ANO3: variants seen among roughly 807,000 people sequenced by gnomAD.
ANO3 encodes the protein anoctamin-3.
ANO3 carries 99 observed loss-of-function variants against 144.8 expected under a neutral mutation model. The ratio of observed to expected loss-of-function variants is 0.68; its 90% CI spans 0.58 to 0.81. The LOEUF is 0.81. ANO3 is among the 30% of genes least tolerant of loss of function. ANO3 has a pLI of 0.00. For missense variants in ANO3, 905 were observed against 1,202.2 expected, an observed-to-expected ratio of 0.75 and a Z score of 3.66; for synonymous variants, 414 against 392.6, an observed-to-expected ratio of 1.05 and a Z score of -0.64.
intron 6 of ANO3, among the ~76,000 whole-genome samples, chr11:26,524,503 C>T (rs1224229777): frequency 6.6e-6 from 1 of 152,142 alleles, no homozygotes; most frequent in Non-Finnish European, 1.5e-5. Context: ...GTCCTATTAA[C>T]CCTGCTTTCT....
intron 1 of ANO3, among the ~76,000 whole-genome samples, chr11:26,204,375 A>G (rs776369226): frequency 6.6e-6 from 1 of 152,074 alleles, no homozygotes; most frequent in East Asian, 1.9e-4. Context: ...GCAAGGAGCT[A>G]AGTAGCTACT....
intron 3 of ANO3, among the ~76,000 whole-genome samples, chr11:26,461,929 G>T (rs550844515): frequency 6.6e-6 from 1 of 152,022 alleles, no homozygotes; most frequent in Non-Finnish European, 1.5e-5. Flanking sequence ...ATGGTTAATA[G>T]GTCTAAGTGT....
Position 26,222,059 on chromosome 11 carries a change from T to G in ANO3, c.154+32729T>G, listed in dbSNP as rs535681486. On this transcript the variant is annotated intron_variant, in intron 1 of 27. Coordinates refer to the ANO3 transcript ENST00000672621. ...TAGTCCCCCCAAAGTCTTAACTTGT[T>G]TCAGTATCAAGTCTAAAGTCCTAAG... 8.5e-5 allele frequency among the ~76,000 whole-genome samples: 13 copies of G among 152,332 alleles called. No homozygotes were observed. In the South Asian group the frequency reaches 2.7e-3, roughly 32 times the overall value.
chr11:26,537,741 T>C (rs901466735), intron 10 of ANO3, among the ~76,000 whole-genome samples: 4 of 152,230 alleles, frequency 2.6e-5, no homozygotes, highest in African/African-American at 9.6e-5. Context: ...AGCTCCAAGC[T>C]TGATCCAACT....
intron 23 of ANO3, 117 bp from the exon 24 acceptor site, chr11:26,647,592 A>T (rs1040084045): frequency 1.1e-6 from 1 of 882,088 alleles, no homozygotes; most frequent in African/African-American, 1.7e-5. Context: ...AAGAAAGCAC[A>T]TAGTGGACAG....
chr11:26,404,549 G>A (rs561173091), intron 1 of ANO3, among the ~76,000 whole-genome samples: 1 of 151,718 alleles, frequency 6.6e-6, no homozygotes. Flanking sequence ...CAACGTTCCC[G>A]AAATATTGTT....
chr11:26,239,281 T>C (rs1163663110), intron 1 of ANO3, among the ~76,000 whole-genome samples: 1 of 152,204 alleles, frequency 6.6e-6, no homozygotes, highest in Non-Finnish European at 1.5e-5. Flanking sequence ...CAGCAAGCTG[T>C]TGACCTCCCT....
At chr11:26,452,990 G>C (rs1230036737) in intron 3 of ANO3, among the ~76,000 whole-genome samples, 5 of 152,140 alleles carry the variant, frequency 3.3e-5, no homozygotes, top group African/African-American at 1.2e-4. Context: ...AGCTTCATAA[G>C]TGAAGGAGAA....
intron 1 of ANO3, among the ~76,000 whole-genome samples, chr11:26,369,196 G>C (rs1315468363): frequency 6.6e-6 from 1 of 152,116 alleles, no homozygotes; most frequent in Non-Finnish European, 1.5e-5. Flanking sequence ...GAGGTGAGTA[G>C]TGAGACTAAA....
At chr11:26,564,690 T>C (rs1406585020) in intron 14 of ANO3, among the ~76,000 whole-genome samples, 1 of 18,676 alleles carries the variant, frequency 5.4e-5, no homozygotes, top group East Asian at 1.1e-3. Context: ...TACTCATATA[T>C]ATACACACAC....
intron 17 of ANO3, among the ~76,000 whole-genome samples, chr11:26,616,493 T>C (rs1199958736): frequency 6.7e-6 from 1 of 150,032 alleles, no homozygotes; most frequent in African/African-American, 2.5e-5. Flanking sequence ...TTCAAAAACA[T>C]CTTGAAAAGA....
upstream of ANO3, among the ~76,000 whole-genome samples, chr11:26,328,287 T>C (rs577750487): frequency 1.6e-4 from 25 of 152,342 alleles, no homozygotes; most frequent in South Asian, 1.7e-3. Flanking sequence ...TTGTTAAATT[T>C]CACTCCATTT....
At chr11:26,642,073 A>G (rs758238122) in intron 22 of ANO3, 44 bp downstream of exon 22, 1 of 1,584,858 alleles carries the variant, frequency 6.3e-7, no homozygotes, top group Non-Finnish European at 8.6e-7. Context: ...TTCTTGATAC[A>G]ATTTTTCTAC....
chr11:26,221,130 A>T (rs1357270403), intron 1 of ANO3, among the ~76,000 whole-genome samples: 1 of 152,154 alleles, frequency 6.6e-6, no homozygotes, highest in Non-Finnish European at 1.5e-5. Flanking sequence ...CCATATGAAC[A>T]CCTCTCCTTT....
At chr11:26,314,575 G>T (rs1252756198) in intron 1 of ANO3, among the ~76,000 whole-genome samples, 1 of 152,102 alleles carries the variant, frequency 6.6e-6, no homozygotes, top group Non-Finnish European at 1.5e-5. Context: ...AGGCAAGTCA[G>T]CCAACCTTCC....
At chr11:26,601,440 G>C (rs1191254980) in intron 17 of ANO3, among the ~76,000 whole-genome samples, 1 of 152,092 alleles carries the variant, frequency 6.6e-6, no homozygotes, top group Admixed American at 6.5e-5. Context: ...CTCGGGTCCA[G>C]TTTAGTTTGT....
At chr11:26,304,937 T>C (rs558488901), upstream of ANO3, among the ~76,000 whole-genome samples, 9 of 152,242 alleles carry the variant, frequency 5.9e-5, no homozygotes, top group Non-Finnish European at 1.3e-4. Context: ...CATTATGACT[T>C]TGTGAAAGGT....
At chr11:26,192,203 GA>G (rs1851491791) in intron 1 of ANO3, among the ~76,000 whole-genome samples, 1 of 152,112 alleles carries the variant, frequency 6.6e-6, no homozygotes, top group African/African-American at 2.4e-5. Context: ...AAACTTTATG[GA>G]ACATTGAACT....
At chr11:26,418,637 G>A (rs1418299284) in intron 1 of ANO3, among the ~76,000 whole-genome samples, 1 of 152,000 alleles carries the variant, frequency 6.6e-6, no homozygotes, top group African/African-American at 2.4e-5. Context: ...TGTTCTCATT[G>A]GGAATCTCCT....
Sources: gnomAD v4.1 joint callset for allele counts (sites outside exome capture counted in the v4.1 genomes callset) on GRCh38, gnomAD v4.1.1 for gene constraint, MANE v1.5 for transcripts, NCBI Gene and HGNC (gene_info 2026-07-23, HGNC 2026-07-21) for gene names.